The following AGTPBP1 variants were observed in gnomAD, a reference collection of about 807,000 sequenced individuals.
AGTPBP1 encodes the protein ATP/GTP binding carboxypeptidase 1.
Under a neutral mutation model 143.9 loss-of-function variants are expected in AGTPBP1, and 70 were observed. That is an observed-to-expected ratio of 0.49 (90% confidence interval 0.40 to 0.59). The LOEUF is 0.59. AGTPBP1 is among the 20% of genes least tolerant of loss of function. AGTPBP1 has a pLI of 0.00. For synonymous variants in AGTPBP1, 463 were observed against 500.2 expected (o/e 0.93, Z 0.99); for missense variants, 1,229 against 1,464.5 (o/e 0.84, Z 2.62).
At chr9:85,642,383 T>C (rs574692426) in intron 13 of AGTPBP1, among the ~76,000 whole-genome samples, 15 of 151,912 alleles carry the variant, frequency 9.9e-5, no homozygotes, top group African/African-American at 3.6e-4. Context: ...GGCTGGAGTG[T>C]AATGGCGAGA....
At chr9:85,741,555 C>T in intron 1 of AGTPBP1, 1 of 985,438 alleles carries the variant, frequency 1.0e-6, no homozygotes, top group Non-Finnish European at 1.2e-6. Context: ...TTTTCCAGAC[C>T]CAGTCAAAGC....
chr9:85,546,951 T>G lies in AGTPBP1; in HGVS notation c.*158A>C, dbSNP rs1244616575. The G allele has an allele frequency of 1.7e-6, 1 of 589,736 alleles. No individual in the cohort carries two copies. The highest frequency in any genetic ancestry group is 3.3e-5 in the East Asian group (1 of 30,056). The allele number at this position is 589,736 out of a possible 1,614,324, so 36.5% of individuals were successfully genotyped here. A position where few individuals can be genotyped will look rare whatever the true frequency, so the allele number is the denominator to read the frequency against. On this transcript the variant is annotated 3_prime_UTR_variant, in exon 26 of 26. Transcript: ENST00000357081. ...AAACAAGCGCCAATTTTATCATTAATTAATAACACATTTATTATCTTGAAA... is the reference window on the plus strand; with the variant it reads ...AAACAAGCGCCAATTTTATCATTAAGTAATAACACATTTATTATCTTGAAA...
chr9:85,681,788 C>T (rs867151551), intron 3 of AGTPBP1, among the ~76,000 whole-genome samples: 1 of 117,560 alleles, frequency 8.5e-6, no homozygotes, highest in East Asian at 2.8e-4. Context: ...CTCATTCTGT[C>T]GCCCAGGCTG....
chr9:85,785,031 A>G, the AGTPBP1 span, among the ~76,000 whole-genome samples: 1 of 152,098 alleles, frequency 6.6e-6, no homozygotes, highest in Non-Finnish European at 1.5e-5. Flanking sequence ...GTGTTTTAAA[A>G]CTTTGTCTTG....
intron 1 of AGTPBP1, among the ~76,000 whole-genome samples, chr9:85,716,641 T>C (rs910072191): frequency 1.3e-5 from 2 of 152,188 alleles, no homozygotes; most frequent in African/African-American, 4.8e-5. Context: ...CTGATCACTT[T>C]ACCACATCTA....
the AGTPBP1 span, among the ~76,000 whole-genome samples, chr9:85,793,088 T>A: frequency 6.6e-6 from 1 of 152,196 alleles, no homozygotes; most frequent in African/African-American, 2.4e-5. Flanking sequence ...AATCTATTTT[T>A]ATAGCCATAG....
At chr9:85,689,925 A>AAAAAAATATAT (rs58719163) in intron 3 of AGTPBP1, among the ~76,000 whole-genome samples, 9 of 72,492 alleles carry the variant, frequency 1.2e-4, no homozygotes, top group African/African-American at 4.8e-4. Context: ...AAAAAAAAAA[A>AAAAAAATATAT]ATATATATAT....
the AGTPBP1 span, among the ~76,000 whole-genome samples, chr9:85,759,123 A>G: frequency 5.3e-5 from 8 of 152,222 alleles, no homozygotes; most frequent in Non-Finnish European, 1.0e-4. Flanking sequence ...TCATAAAGCA[A>G]GTCCTTAGAG....
In AGTPBP1 at chr9:85,717,706, T is replaced by C. The variant is rs1837803396; in HGVS notation, c.-33-5140A>G. On this transcript the variant is annotated intron_variant, in intron 1 of 25. Transcript: ENST00000357081. ...TTTTTTTTTTTTAATATACTTTAAG[T>C]TCTAGGGTACATGTGCACAACGTGC... Among the ~76,000 whole-genome samples the C allele has an allele frequency of 2.0e-5, 3 of 151,734 alleles. No individual in the cohort carries two copies. In the South Asian group the frequency reaches 6.3e-4, roughly 32 times the overall value.
At chr9:85,660,764 ATTAG>A (rs1404091533) in intron 9 of AGTPBP1, among the ~76,000 whole-genome samples, 168 bp downstream of exon 9, 3 of 152,160 alleles carry the variant, frequency 2.0e-5, no homozygotes, top group Non-Finnish European at 4.4e-5. Flanking sequence ...ATAATATGGT[ATTAG>A]TTATGATGCA....
At chr9:85,647,234 G>A (rs1482785501) in intron 11 of AGTPBP1, among the ~76,000 whole-genome samples, 5 of 152,116 alleles carry the variant, frequency 3.3e-5, no homozygotes, top group African/African-American at 4.8e-5. Flanking sequence ...CCAAGATCGC[G>A]CCATTGCACT....
chr9:85,672,715 T>C (rs768563628), intron 6 of AGTPBP1, 34 bp from the exon 7 acceptor site: 8 of 1,296,498 alleles, frequency 6.2e-6, no homozygotes, highest in African/African-American at 4.5e-5. Context: ...TTTATGCACA[T>C]ACAACTTTTC....
upstream of AGTPBP1, among the ~76,000 whole-genome samples, chr9:85,744,615 A>G (rs1014486803): frequency 2.6e-5 from 4 of 152,230 alleles, no homozygotes. Context: ...CCCGCTTCAC[A>G]GTTGAATGCA....
the AGTPBP1 span, among the ~76,000 whole-genome samples, chr9:85,798,124 A>C: frequency 3.3e-5 from 5 of 150,774 alleles, no homozygotes; most frequent in African/African-American, 1.2e-4. Context: ...CTGGTCTCAA[A>C]CTTCTGGCCT....
In AGTPBP1 at chr9:85,574,243, G is replaced by A. The variant is rs1827745381; in HGVS notation, c.3503+1072C>T. 2.0e-5 allele frequency among the ~76,000 whole-genome samples: 3 copies of A among 152,042 alleles called. No homozygotes were observed. In the South Asian group the frequency reaches 6.2e-4, roughly 32 times the overall value. On this transcript the variant is annotated intron_variant, in intron 25 of 25. Transcript: ENST00000357081. ...AAATGGATTAAGGGCGGTGCAAGAT[G>A]TGCTTTGTTAAACAGATGCTTGAAG...
At chr9:85,719,576 T>A (rs1408417285) in intron 1 of AGTPBP1, among the ~76,000 whole-genome samples, 1 of 152,184 alleles carries the variant, frequency 6.6e-6, no homozygotes, top group East Asian at 1.9e-4. Flanking sequence ...ACAATGGGGT[T>A]TTCTAAATAT....
chr9:85,695,889 T>C (rs1442938565), intron 2 of AGTPBP1, among the ~76,000 whole-genome samples: 1 of 152,014 alleles, frequency 6.6e-6, no homozygotes, highest in Non-Finnish European at 1.5e-5. Context: ...TTGCCCAGGC[T>C]GGAGTACAGT....
chr9:85,632,169 A>C (rs183079487), intron 14 of AGTPBP1, among the ~76,000 whole-genome samples: 76 of 152,244 alleles, frequency 5.0e-4, no homozygotes, highest in Middle Eastern at 3.4e-3. Flanking sequence ...ACTTCAGGGT[A>C]AAAGGGGTAT....
intron 8 of AGTPBP1, among the ~76,000 whole-genome samples, chr9:85,666,728 G>C (rs371341597): frequency 6.6e-6 from 1 of 151,842 alleles, no homozygotes; most frequent in Admixed American, 6.6e-5. Flanking sequence ...TGACAACTTG[G>C]TTATAATAGA....
Sources: gnomAD v4.1 joint callset for allele counts (sites outside exome capture counted in the v4.1 genomes callset) on GRCh38, gnomAD v4.1.1 for gene constraint, MANE v1.5 for transcripts, NCBI Gene and HGNC (gene_info 2026-07-23, HGNC 2026-07-21) for gene names.